The following MYO9A variants were observed in gnomAD, a reference collection of about 807,000 sequenced individuals.
MYO9A encodes unconventional myosin-IXa.
In MYO9A, 103 loss-of-function variants were observed where a neutral mutation model predicts 293.3. The ratio of observed to expected loss-of-function variants is 0.35; its 90% CI spans 0.30 to 0.41. The LOEUF is 0.41. Among genes scored for constraint, MYO9A ranks in the 10% least tolerant of loss-of-function variants. The pLI is 1.00. For synonymous variants in MYO9A, 1,001 were observed against 1,035.7 expected (o/e 0.97, Z 0.64); for missense variants, 2,685 against 3,033.0 (o/e 0.89, Z 2.69).
At chr15:72,014,317 T>C (rs181008174) in intron 6 of MYO9A, among the ~76,000 whole-genome samples, 42 of 152,354 alleles carry the variant, frequency 2.8e-4, no homozygotes, top group African/African-American at 9.9e-4. Context: ...TCAAAGTCAA[T>C]TGTTCCAGTT....
intron 15 of MYO9A, among the ~76,000 whole-genome samples, chr15:71,949,722 G>T (rs549975399): frequency 6.6e-6 from 1 of 151,240 alleles, no homozygotes; most frequent in Admixed American, 6.6e-5. Flanking sequence ...AGTCGCCAGG[G>T]ATATGGGCAG....
chr15:71,944,707 T>A (rs1405557109), intron 15 of MYO9A, among the ~76,000 whole-genome samples: 2 of 152,184 alleles, frequency 1.3e-5, no homozygotes, highest in East Asian at 3.8e-4. Context: ...CATTAATCCA[T>A]TGATCCTTAA....
chr15:71,878,647 T>A (rs1040071341), intron 30 of MYO9A, among the ~76,000 whole-genome samples: 6 of 152,154 alleles, frequency 3.9e-5, no homozygotes, highest in African/African-American at 9.7e-5. Context: ...GTAACCAATT[T>A]ATTTTTCCAA....
intron 1 of MYO9A, among the ~76,000 whole-genome samples, chr15:72,084,691 G>T (rs1241090922): frequency 6.6e-6 from 1 of 152,154 alleles, no homozygotes; most frequent in Non-Finnish European, 1.5e-5. Context: ...TTACATGTTT[G>T]AAAAGGATCT....
chr15:71,840,800 T>C (rs2055128002), intron 39 of MYO9A, among the ~76,000 whole-genome samples: 1 of 152,128 alleles, frequency 6.6e-6, no homozygotes, highest in Non-Finnish European at 1.5e-5. Context: ...CGGCTAATTT[T>C]TTTGTATTTT....
chr15:72,109,259 G>A (rs1284188267), intron 1 of MYO9A, among the ~76,000 whole-genome samples: 1 of 151,682 alleles, frequency 6.6e-6, no homozygotes, highest in African/African-American at 2.4e-5. Context: ...GCGTGGTGGC[G>A]GGTGCCTGTA....
At chr15:72,040,917 A>G (rs2078208365) in intron 2 of MYO9A, among the ~76,000 whole-genome samples, 1 of 152,228 alleles carries the variant, frequency 6.6e-6, no homozygotes, top group African/African-American at 2.4e-5. Flanking sequence ...ACAGCACTAA[A>G]TAAATATATT....
intron 32 of MYO9A, among the ~76,000 whole-genome samples, chr15:71,868,896 G>T (rs1053437062): frequency 2.6e-5 from 4 of 152,068 alleles, no homozygotes; most frequent in Non-Finnish European, 5.9e-5. Flanking sequence ...AATTATATCA[G>T]TGCAGGCTAA....
At chr15:72,074,451 C>A (rs1016143530) in intron 1 of MYO9A, among the ~76,000 whole-genome samples, 1 of 152,036 alleles carries the variant, frequency 6.6e-6, no homozygotes. Context: ...AAAACAATTC[C>A]AGAAAGGAAA....
intron 15 of MYO9A, 33 bp downstream of exon 15, chr15:71,951,744 G>A (rs932556814): frequency 5.0e-6 from 8 of 1,612,866 alleles, no homozygotes; most frequent in Non-Finnish European, 6.8e-6. Flanking sequence ...AAATGGATAT[G>A]TGATAACAGT....
intron 18 of MYO9A, among the ~76,000 whole-genome samples, chr15:71,923,702 T>G (rs185769403): frequency 7.2e-5 from 11 of 152,328 alleles, no homozygotes; most frequent in Non-Finnish European, 1.3e-4. Flanking sequence ...TCAGCCATAA[T>G]GTCACCTTTT....
intron 11 of MYO9A, among the ~76,000 whole-genome samples, chr15:71,985,233 T>G (rs907197601): frequency 6.6e-6 from 1 of 152,176 alleles, no homozygotes; most frequent in Admixed American, 6.5e-5. Flanking sequence ...TTTCTCGTGG[T>G]TTTTATTCAT....
intron 18 of MYO9A, among the ~76,000 whole-genome samples, chr15:71,932,370 G>A (rs566995171): frequency 5.3e-5 from 8 of 152,094 alleles, no homozygotes; most frequent in African/African-American, 7.2e-5. Flanking sequence ...AGGTTAAGGC[G>A]GCTATCCCTT....
At chr15:71,942,808 A>G (rs2058812071) in intron 15 of MYO9A, among the ~76,000 whole-genome samples, 1 of 152,038 alleles carries the variant, frequency 6.6e-6, no homozygotes, top group Non-Finnish European at 1.5e-5. Flanking sequence ...CAAATTAGGT[A>G]TAAGTTTTAT....
chr15:72,089,578 G>A (rs565446783), intron 1 of MYO9A, among the ~76,000 whole-genome samples: 8 of 152,078 alleles, frequency 5.3e-5, no homozygotes, highest in Middle Eastern at 6.8e-3. Context: ...CCAGGAGTTC[G>A]AGACCAGTCT....
chr15:71,973,003 A>G (rs2957736), intron 12 of MYO9A, among the ~76,000 whole-genome samples: 101,655 of 152,024 alleles, frequency 0.67, 34,694 homozygotes, highest in Middle Eastern at 0.74. Context: ...ATAAATAAAT[A>G]ATCCCTTAAT....
At chr15:72,043,230 T>G (rs1013166207) in intron 2 of MYO9A, among the ~76,000 whole-genome samples, 5 of 152,064 alleles carry the variant, frequency 3.3e-5, no homozygotes, top group African/African-American at 9.7e-5. Context: ...TCAAAAATAT[T>G]GAGAGATAAA....
chr15:71,932,259 C>T (rs1033587538), intron 18 of MYO9A, among the ~76,000 whole-genome samples: 5 of 152,088 alleles, frequency 3.3e-5, no homozygotes, highest in Admixed American at 3.3e-4. Flanking sequence ...TGCATTATCT[C>T]ATCTTGGGGG....
chr15:71,970,952 G>A (rs1209351551), intron 12 of MYO9A, among the ~76,000 whole-genome samples: 2 of 151,460 alleles, frequency 1.3e-5, no homozygotes, highest in Non-Finnish European at 2.9e-5. Context: ...AGGTCAGGAG[G>A]TCGAGACCAT....
Sources: gnomAD v4.1 joint callset for allele counts (sites outside exome capture counted in the v4.1 genomes callset) on GRCh38, gnomAD v4.1.1 for gene constraint, MANE v1.5 for transcripts, NCBI Gene and HGNC (gene_info 2026-07-23, HGNC 2026-07-21) for gene names.